GTF2A1L: variants seen among roughly 807,000 people sequenced by gnomAD.
GTF2A1L encodes the protein TFIIA-alpha and beta-like factor.
A neutral mutation model predicts 49.7 loss-of-function variants in GTF2A1L; 48 were observed. That is an observed-to-expected ratio of 0.97 (90% CI 0.77 to 1.23). The LOEUF (loss-of-function observed/expected upper bound fraction) is 1.23, where lower values mean the gene tolerates loss of function less well. GTF2A1L is among the 50% of genes most tolerant of loss of function. The pLI, the probability that GTF2A1L is intolerant of heterozygous loss-of-function variation, is 0.00. For synonymous variants in GTF2A1L, 246 were observed against 193.5 expected (o/e 1.27, Z -2.25); for missense variants, 736 against 564.8 (o/e 1.30, Z -3.07).
intron 6 of GTF2A1L, among the ~76,000 whole-genome samples, chr2:48,660,955 T>C (rs1209311775): frequency 6.6e-6 from 1 of 152,196 alleles, no homozygotes; most frequent in African/African-American, 2.4e-5. Context: ...TTGATAATTT[T>C]AGTTGAGTCT....
At chr2:48,626,654 C>A (rs1055359149) in intron 3 of GTF2A1L, among the ~76,000 whole-genome samples, 1 of 143,738 alleles carries the variant, frequency 7.0e-6, no homozygotes. Context: ...CTCACTGCAG[C>A]CTCCACCCCC....
chr2:48,663,260 C>T (rs999792462), intron 6 of GTF2A1L, among the ~76,000 whole-genome samples: 2 of 151,946 alleles, frequency 1.3e-5, no homozygotes. Flanking sequence ...ATTGCAAAAC[C>T]CCATCAATAT....
At chr2:48,636,253 A>G (rs1676881980) in intron 3 of GTF2A1L, among the ~76,000 whole-genome samples, 1 of 152,242 alleles carries the variant, frequency 6.6e-6, no homozygotes, top group African/African-American at 2.4e-5. Flanking sequence ...AATGACACAA[A>G]TGCTTTTCCT....
At position 48,646,944 on chromosome 2, in the gene GTF2A1L, A is replaced by T. The variant is rs1677552633; in HGVS notation, c.880A>T (p.Ile294Phe). The T allele has an allele frequency of 6.2e-7, 1 of 1,614,176 alleles. No homozygotes were observed. Among genetic ancestry groups the T allele is most frequent in the East Asian group, 2.2e-5 (1 of 44,882 alleles). ...GGCTCTCCACCAGCACGTGACTGAT[A>T]TTCAGCTTCATATTCTTAAAAATAG... ...HGALHQHVTD[I>F]QLHILKNRMY... The change falls in exon 6 of 9, where the codon ATT (isoleucine) becomes TTT (phenylalanine). Residue 294 changes from isoleucine to phenylalanine, a missense_variant. Transcript: ENST00000403751.
intron 3 of GTF2A1L, among the ~76,000 whole-genome samples, chr2:48,638,173 C>T (rs1677006306): frequency 6.6e-6 from 1 of 152,084 alleles, no homozygotes; most frequent in African/African-American, 2.4e-5. Flanking sequence ...TGCTACTATT[C>T]TTACTGAAAC....
chr2:48,635,389 C>T (rs576460499), intron 3 of GTF2A1L, among the ~76,000 whole-genome samples: 12 of 152,028 alleles, frequency 7.9e-5, no homozygotes, highest in Admixed American at 1.3e-4. Context: ...ATGAGTGGCT[C>T]AGGCTGCTGG....
intron 3 of GTF2A1L, among the ~76,000 whole-genome samples, chr2:48,637,708 AAGAT>A (rs1676980540): frequency 6.6e-6 from 1 of 152,180 alleles, no homozygotes; most frequent in Admixed American, 6.6e-5. Context: ...AAAAATTAAT[AAGAT>A]AGATAGGCTG....
rs757177164 is a variant in GTF2A1L at position 48,646,845 on chromosome 2, G to C, written c.781G>C (p.Glu261Gln). The C allele has an allele frequency of 6.2e-7, 1 of 1,614,056 alleles. No homozygotes were observed. Reference sequence around the variant, plus strand: ...GGTCTCTCAAACAAATTCTAATGTGGAGTCAGTGCTCAGTGGTTCAGCTAG... The same window carrying C: ...GGTCTCTCAAACAAATTCTAATGTGCAGTCAGTGCTCAGTGGTTCAGCTAG... ...PQVSQTNSNV[E>Q]SVLSGSASMA... Residue 261 changes from glutamate (E) to glutamine (Q), a missense_variant, in exon 6 of 9, where the codon GAG becomes CAG. Physicochemically the swap from Glu to Gln is conservative, Grantham distance 29. Coordinates refer to ENST00000403751, the MANE Select transcript of GTF2A1L (RefSeq NM_006872.5).
At chr2:48,664,120 G>A (rs1208454687) in intron 6 of GTF2A1L, among the ~76,000 whole-genome samples, 1 of 150,322 alleles carries the variant, frequency 6.7e-6, no homozygotes, top group Non-Finnish European at 1.5e-5. Context: ...TTCCCAGAGT[G>A]TTTTTTTTTC....
intron 1 of GTF2A1L, among the ~76,000 whole-genome samples, chr2:48,619,675 GT>G (rs2104046584): frequency 6.6e-6 from 1 of 152,192 alleles, no homozygotes; most frequent in African/African-American, 2.4e-5. Context: ...CTGCTTTGCT[GT>G]TTCTTGCCGG....
In GTF2A1L at chr2:48,621,169, C is replaced by G; in HGVS notation, c.126C>G (p.Leu42=). The change falls in exon 3 of 9, where the codon CTC becomes CTG. Residue 42 remains leucine (L), a splice_region_variant and synonymous_variant. Coordinates refer to ENST00000403751, the MANE Select transcript of GTF2A1L (RefSeq NM_006872.5). ...AACTTTTTTTTTCCCCTCTGCAGCT[C>G]TGGGAAACCAAGGTTTTGCAGTCTA... ...EEQVLKDLKQ[L]WETKVLQSKA... 8 of 1,611,212 alleles carry G rather than the reference C, an allele frequency of 5.0e-6. No individual in the cohort carries two copies. Among genetic ancestry groups the G allele is most frequent in the Non-Finnish European group, 6.8e-6 (8 of 1,179,068 alleles).
intron 6 of GTF2A1L, among the ~76,000 whole-genome samples, chr2:48,653,073 C>T (rs1572743481): frequency 6.6e-6 from 1 of 151,338 alleles, no homozygotes; most frequent in Admixed American, 6.6e-5. Flanking sequence ...ACTAAAAATA[C>T]AAAAAATTAG....
At chr2:48,634,445 G>A (rs767263841) in intron 3 of GTF2A1L, among the ~76,000 whole-genome samples, 4 of 152,150 alleles carry the variant, frequency 2.6e-5, no homozygotes, top group African/African-American at 9.7e-5. Flanking sequence ...TCATGAAATT[G>A]TTAGCTGGTT....
At chr2:48,646,140 C>T (rs1677490804) in intron 5 of GTF2A1L, among the ~76,000 whole-genome samples, 1 of 151,882 alleles carries the variant, frequency 6.6e-6, no homozygotes, top group South Asian at 2.1e-4. Flanking sequence ...ATTTATCAAA[C>T]AATGGAAGAG....
At chr2:48,633,345 G>C (rs1676694182) in intron 3 of GTF2A1L, 1 of 153,960 alleles carries the variant, frequency 6.5e-6, no homozygotes, top group Admixed American at 6.5e-5. Context: ...TAAGGTCCGG[G>C]TAGATAATCT....
intron 3 of GTF2A1L, chr2:48,632,899 G>T: frequency 4.0e-6 from 1 of 251,546 alleles, no homozygotes; most frequent in Non-Finnish European, 8.0e-6. Context: ...TCATATACAG[G>T]GTCACACCAT....
At chr2:48,676,086 A>G (rs1005676037) in intron 8 of GTF2A1L, among the ~76,000 whole-genome samples, 1 of 151,892 alleles carries the variant, frequency 6.6e-6, no homozygotes, top group East Asian at 1.9e-4. Flanking sequence ...GAATTTCTTT[A>G]TTCAAATACA....
chr2:48,651,640 A>T (rs941051091), intron 6 of GTF2A1L, among the ~76,000 whole-genome samples: 7 of 152,286 alleles, frequency 4.6e-5, no homozygotes, highest in African/African-American at 1.7e-4. Flanking sequence ...TTCTAAAAGA[A>T]GTCTCATCTG....
rs779341086 is a variant in GTF2A1L at position 48,617,907 on chromosome 2, C to T, written c.21+12C>T. ...GCCTCAACCCGGTGGTAAGGAAGAC[C>T]TCAGGCTCTGTGTAGAGGGAGCGCC... On this transcript the variant is annotated intron_variant, in intron 1 of 8. Transcript: ENST00000403751. 6.4e-7 allele frequency: 1 copy of T among 1,551,786 alleles called. No homozygotes were observed. Among genetic ancestry groups the T allele is most frequent in the Admixed American group, 2.0e-5 (1 of 50,996 alleles).
Sources: allele counts gnomAD v4.1 joint callset (sites outside exome capture counted in the v4.1 genomes callset), GRCh38; gene constraint gnomAD v4.1.1; transcripts MANE v1.5; gene names NCBI Gene and HGNC (gene_info 2026-07-23, HGNC 2026-07-21).